The following SORCS3 variants were observed in gnomAD, a reference collection of about 807,000 sequenced individuals.
SORCS3 encodes the protein sortilin related VPS10 domain containing receptor 3.
In SORCS3, 57 loss-of-function variants were observed where a neutral mutation model predicts 146.3. That is an observed-to-expected ratio of 0.39 (90% CI 0.31 to 0.49). The LOEUF is 0.49. Ranked by LOEUF, SORCS3 falls within the 20% of genes least tolerant of loss-of-function variation. The pLI is 0.92. For synonymous variants in SORCS3, 653 were observed against 618.5 expected, an observed-to-expected ratio of 1.06 and a Z score of -0.83; for missense variants, 1,341 against 1,575.5, an observed-to-expected ratio of 0.85 and a Z score of 2.52.
chr10:105,235,512 A>T (rs535495048), intron 20 of SORCS3, among the ~76,000 whole-genome samples: 1 of 147,992 alleles, frequency 6.8e-6, no homozygotes, highest in Non-Finnish European at 1.5e-5. Flanking sequence ...TCATAATGTG[A>T]TTGGCATTGC....
chr10:105,150,045 C>T (rs1180162347), intron 9 of SORCS3, among the ~76,000 whole-genome samples: 1 of 152,066 alleles, frequency 6.6e-6, no homozygotes, highest in Non-Finnish European at 1.5e-5. Flanking sequence ...CAGGATTGAT[C>T]GCACCCCTGC....
chr10:105,000,273 C>T (rs1301066124), intron 4 of SORCS3, among the ~76,000 whole-genome samples: 1 of 151,858 alleles, frequency 6.6e-6, no homozygotes, highest in Non-Finnish European at 1.5e-5. Flanking sequence ...ATATTCTAGC[C>T]TCTATTTGTT....
chr10:105,239,777 A>G (rs1394328598), intron 20 of SORCS3, among the ~76,000 whole-genome samples: 2 of 152,184 alleles, frequency 1.3e-5, no homozygotes, highest in African/African-American at 2.4e-5. Context: ...CTTGCCTAAT[A>G]TATTTGAGTA....
At chr10:104,726,884 A>G (rs1431351211) in intron 1 of SORCS3, among the ~76,000 whole-genome samples, 4 of 152,138 alleles carry the variant, frequency 2.6e-5, no homozygotes, top group Non-Finnish European at 5.9e-5. Context: ...CTTGGGATGC[A>G]AGACTTCCAG....
chr10:104,698,226 G>A (rs1670353967), intron 1 of SORCS3, among the ~76,000 whole-genome samples: 1 of 152,092 alleles, frequency 6.6e-6, no homozygotes. Context: ...TACAGATGTG[G>A]AATCTGAGAG....
At chr10:104,873,491 T>G (rs2018540097) in intron 2 of SORCS3, among the ~76,000 whole-genome samples, 2 of 152,236 alleles carry the variant, frequency 1.3e-5, no homozygotes, top group Admixed American at 6.5e-5. Context: ...CTGTTATACC[T>G]GTTGAGAAGG....
At chr10:105,071,356 C>T (rs1589618323) in intron 5 of SORCS3, among the ~76,000 whole-genome samples, 2 of 152,334 alleles carry the variant, frequency 1.3e-5, no homozygotes, top group Middle Eastern at 6.8e-3. Flanking sequence ...ACACGAGCTT[C>T]CTGGTATTGG....
chr10:105,066,139 A>G (rs1031001580), intron 5 of SORCS3, among the ~76,000 whole-genome samples: 5 of 152,204 alleles, frequency 3.3e-5, no homozygotes, highest in Admixed American at 2.6e-4. Context: ...ATATTCATGC[A>G]TGGGCTCATC....
At chr10:105,074,241 G>C (rs1207739752) in intron 5 of SORCS3, among the ~76,000 whole-genome samples, 1 of 152,210 alleles carries the variant, frequency 6.6e-6, no homozygotes, top group African/African-American at 2.4e-5. Context: ...GTCCGTGTGA[G>C]CTGTGTTTGA....
At chr10:104,800,390 G>C (rs923611535) in intron 1 of SORCS3, among the ~76,000 whole-genome samples, 20 of 152,164 alleles carry the variant, frequency 1.3e-4, no homozygotes, top group Admixed American at 6.5e-4. Context: ...TATTCTGTAC[G>C]ATTCTACAAT....
intron 4 of SORCS3, among the ~76,000 whole-genome samples, chr10:105,007,036 G>A (rs1000190634): frequency 6.6e-6 from 1 of 152,150 alleles, no homozygotes; most frequent in Admixed American, 6.5e-5. Context: ...GTAAGTGAGT[G>A]TGAGAAAGTC....
intron 7 of SORCS3, among the ~76,000 whole-genome samples, chr10:105,114,383 C>T (rs898192821): frequency 6.6e-6 from 1 of 152,174 alleles, no homozygotes; most frequent in Non-Finnish European, 1.5e-5. Context: ...GGACGGTCAT[C>T]TTGCCTCTGC....
chr10:105,188,637 C>T (rs553413695), intron 14 of SORCS3, among the ~76,000 whole-genome samples: 103 of 152,268 alleles, frequency 6.8e-4, no homozygotes, highest in Non-Finnish European at 8.7e-4. Context: ...TGAAACAGTT[C>T]TCTAATTTCT....
At chr10:104,922,185 C>A (rs2019093995) in intron 3 of SORCS3, among the ~76,000 whole-genome samples, 1 of 152,108 alleles carries the variant, frequency 6.6e-6, no homozygotes, top group South Asian at 2.1e-4. Context: ...TTTAAAATAC[C>A]AGACTCCTAA....
intron 16 of SORCS3, among the ~76,000 whole-genome samples, chr10:105,206,346 T>G (rs1264115339): frequency 6.6e-6 from 1 of 152,210 alleles, no homozygotes; most frequent in African/African-American, 2.4e-5. Flanking sequence ...TATTCCTTCA[T>G]TGCACTAGTT....
chr10:105,024,961 A>G (rs2055217309), intron 4 of SORCS3, among the ~76,000 whole-genome samples: 1 of 152,092 alleles, frequency 6.6e-6, no homozygotes, highest in Non-Finnish European at 1.5e-5. Flanking sequence ...TCCCTCTTGA[A>G]TTTCTATAGT....
intron 4 of SORCS3, among the ~76,000 whole-genome samples, chr10:105,004,373 A>G (rs538352583): frequency 6.6e-6 from 1 of 152,302 alleles, no homozygotes; most frequent in South Asian, 2.1e-4. Flanking sequence ...GCACCCAGGA[A>G]CTAGCAGCAG....
intron 4 of SORCS3, among the ~76,000 whole-genome samples, chr10:105,016,261 C>T (rs765960742): frequency 6.7e-6 from 1 of 148,618 alleles, no homozygotes; most frequent in Admixed American, 6.7e-5. Flanking sequence ...AAGCAATTCT[C>T]CTGCTTCACC....
At chr10:104,998,818 A>C (rs1391324081) in intron 4 of SORCS3, among the ~76,000 whole-genome samples, 1 of 152,132 alleles carries the variant, frequency 6.6e-6, no homozygotes, top group Admixed American at 6.6e-5. Context: ...AAGTGTGGAC[A>C]TCTGTGACTG....
Sources: gnomAD v4.1 joint callset for allele counts (sites outside exome capture counted in the v4.1 genomes callset) on GRCh38, gnomAD v4.1.1 for gene constraint, MANE v1.5 for transcripts, NCBI Gene and HGNC (gene_info 2026-07-23, HGNC 2026-07-21) for gene names.